The following TSGA10 variants were observed in gnomAD, a reference collection of about 807,000 sequenced individuals.
TSGA10 encodes testis specific 10, also known as testis-specific gene 10 protein.
TSGA10 carries 43 observed loss-of-function variants against 96.6 expected under a neutral mutation model. That is an observed-to-expected ratio of 0.44 (90% CI 0.35 to 0.57). The LOEUF is 0.57. Ranked by LOEUF, TSGA10 falls within the 20% of genes least tolerant of loss-of-function variation. The probability of loss-of-function intolerance (pLI) is 0.01; values close to 1 mark genes in which losing one functional copy is unlikely to be tolerated. For synonymous variants in TSGA10, 229 were observed against 269.9 expected (o/e 0.85, Z 1.48); for missense variants, 703 against 834.4 (o/e 0.84, Z 1.94).
chr2:99,150,626 A>G, intron 1 of TSGA10: 3 of 1,614,122 alleles, frequency 1.9e-6, no homozygotes, highest in African/African-American at 2.7e-5. Context: ...AAAGTGGATG[A>G]TCACTTAATA....
chr2:99,012,252 A>G (rs2079064382), intron 20 of TSGA10, among the ~76,000 whole-genome samples: 1 of 152,204 alleles, frequency 6.6e-6, no homozygotes. Flanking sequence ...CCATAAAACA[A>G]TAACACAATG....
rs752059745 is a variant in TSGA10 at position 99,071,837 on chromosome 2, C to T, written c.976G>A (p.Val326Ile). 8 of 1,613,864 alleles carry T rather than the reference C, an allele frequency of 5.0e-6. No homozygotes were observed. In the Admixed American group the frequency reaches 6.7e-5, roughly 13 times the overall value. ...TEALIVCEQD[V>I]SRMRRQLDET... is the part of the protein sequence containing the mutation. ...TCCAATTGCCGACGCATTCTGGAAACGTCTTGTTCACACACAATTAGGGCC... is the reference window on the plus strand; with the variant it reads ...TCCAATTGCCGACGCATTCTGGAAATGTCTTGTTCACACACAATTAGGGCC... Residue 326 changes from valine to isoleucine, a missense_variant, in exon 14 of 21, where the codon GTT becomes ATT. Coordinates refer to ENST00000393483, the MANE Select transcript of TSGA10 (RefSeq NM_025244.4).
intron 11 of TSGA10, among the ~76,000 whole-genome samples, chr2:99,080,714 G>A (rs2104589971): frequency 6.6e-6 from 1 of 152,034 alleles, no homozygotes; most frequent in East Asian, 1.9e-4. Flanking sequence ...TATTTCCTCT[G>A]CTTTAAAATA....
intron 16 of TSGA10, among the ~76,000 whole-genome samples, chr2:99,053,617 C>T (rs2083641701): frequency 6.6e-6 from 1 of 152,044 alleles, no homozygotes; most frequent in Non-Finnish European, 1.5e-5. Context: ...AAGGTATGTA[C>T]CTCAACACAA....
At chr2:99,088,091 A>G (rs2088787647) in intron 10 of TSGA10, among the ~76,000 whole-genome samples, 1 of 152,224 alleles carries the variant, frequency 6.6e-6, no homozygotes, top group Non-Finnish European at 1.5e-5. Context: ...AGAACTAGAT[A>G]AAATTAATTC....
At chr2:99,129,056 C>T (rs987324319) in intron 1 of TSGA10, among the ~76,000 whole-genome samples, 7 of 152,168 alleles carry the variant, frequency 4.6e-5, no homozygotes, top group African/African-American at 1.7e-4. Context: ...ATTCTTAATA[C>T]ATATATTCAA....
chr2:99,094,315 G>GA (rs2089750282), intron 10 of TSGA10, among the ~76,000 whole-genome samples: 1 of 151,980 alleles, frequency 6.6e-6, no homozygotes, highest in Non-Finnish European at 1.5e-5. Context: ...AGATAACATT[G>GA]AAAAAACCCT....
In TSGA10 at chr2:99,105,335, ACTTTT is replaced by A. The variant is rs774526183; in HGVS notation, c.459+19_459+23del. On this transcript the variant is annotated intron_variant, in intron 9 of 20. Coordinates refer to ENST00000393483, the MANE Select transcript of TSGA10 (RefSeq NM_025244.4). ...CATTGAGTGTTTATAGCCAAAAGAG[ACTTTT>A]CTTTTTTTTTTTTTTTACATTATGA... 3.3e-6 allele frequency: 5 copies of A among 1,505,816 alleles called. No individual in the cohort carries two copies. The Admixed American group carries it at 5.8e-5, about 17-fold the overall frequency. 93.3% of individuals were successfully genotyped at this position (1,505,816 alleles called of 1,614,324 possible).
intron 16 of TSGA10, among the ~76,000 whole-genome samples, chr2:99,049,429 A>G (rs969565289): frequency 6.6e-6 from 1 of 152,232 alleles, no homozygotes; most frequent in African/African-American, 2.4e-5. Context: ...TGTTCTTTAC[A>G]GGGACATGGA....
intron 17 of TSGA10, among the ~76,000 whole-genome samples, chr2:99,030,250 G>T (rs1010873305): frequency 6.6e-6 from 1 of 152,172 alleles, no homozygotes; most frequent in African/African-American, 2.4e-5. Flanking sequence ...GGGAGGTTGA[G>T]GCAGGAGAAT....
chr2:99,005,712 A>G (rs1358118121), intron 20 of TSGA10, among the ~76,000 whole-genome samples: 1 of 152,208 alleles, frequency 6.6e-6, no homozygotes, highest in Non-Finnish European at 1.5e-5. Flanking sequence ...AAATGGCCAT[A>G]CTGCCCAAGG....
In TSGA10 at chr2:99,052,808, C is replaced by T. The variant is rs148708192; in HGVS notation, c.1404+12131G>A. On this transcript the variant is annotated intron_variant, in intron 16 of 20. Transcript: ENST00000393483. Reference sequence around the variant, plus strand: ...ATCTTGCCAGGTGCAGTGGCTCATGCCTATAACCCCAGCACTTTGGAAGGC... The same window carrying T: ...ATCTTGCCAGGTGCAGTGGCTCATGTCTATAACCCCAGCACTTTGGAAGGC... Among the ~76,000 whole-genome samples the T allele has an allele frequency of 4.0e-4, 61 of 151,696 alleles. No individual in the cohort carries two copies. The East Asian group carries it at 0.011, about 27-fold the overall frequency.
chr2:99,031,749 T>A (rs1300803502), intron 17 of TSGA10, among the ~76,000 whole-genome samples: 1 of 152,182 alleles, frequency 6.6e-6, no homozygotes, highest in East Asian at 1.9e-4. Context: ...TCCCCATTAC[T>A]CGCATTACTG....
chr2:99,143,220 C>A (rs1160459304), intron 1 of TSGA10, among the ~76,000 whole-genome samples: 1 of 147,550 alleles, frequency 6.8e-6, no homozygotes, highest in Non-Finnish European at 1.5e-5. Flanking sequence ...CGGCTCACTG[C>A]AACCTCCGCC....
chr2:99,086,524 T>C (rs1283760919), intron 10 of TSGA10, among the ~76,000 whole-genome samples: 1 of 152,218 alleles, frequency 6.6e-6, no homozygotes, highest in Non-Finnish European at 1.5e-5. Context: ...GAATAAGCAT[T>C]TGACAAAATC....
chr2:99,114,785 C>T (rs2092112162), intron 4 of TSGA10, among the ~76,000 whole-genome samples: 1 of 152,080 alleles, frequency 6.6e-6, no homozygotes, highest in Non-Finnish European at 1.5e-5. Context: ...CCCTAACAAC[C>T]CTTTAAAAGT....
Position 99,037,851 on chromosome 2 carries a change from A to AAAAT in TSGA10, c.1405-2416_1405-2413dup, listed in dbSNP as rs1347588986. Among the ~76,000 whole-genome samples the AAAAT allele has an allele frequency of 7.4e-4, 113 of 152,180 alleles. 1 individual carries two copies. Among genetic ancestry groups the AAAAT allele is most frequent in the African/African-American group, 2.4e-3 (99 of 41,532 alleles). ...TCAACAAGAGCGAAACTCCATCTCA[A>AAAAT]AAATAAATAAATAAATAAATAAACA... is the stretch of plus-strand genomic sequence containing the variant. On this transcript the variant is annotated intron_variant, in intron 16 of 20. Transcript: ENST00000393483.
At chr2:99,152,297 G>A (rs1185898272) in intron 1 of TSGA10, among the ~76,000 whole-genome samples, 1 of 152,128 alleles carries the variant, frequency 6.6e-6, no homozygotes, top group Non-Finnish European at 1.5e-5. Flanking sequence ...ACATAAAACT[G>A]ATTTTTTTTA....
intron 10 of TSGA10, among the ~76,000 whole-genome samples, chr2:99,089,043 C>T (rs906649315): frequency 9.9e-5 from 15 of 152,182 alleles, no homozygotes; most frequent in African/African-American, 3.4e-4. Context: ...ATTGCTCCTG[C>T]AGGACCTGAG....
Sources: allele counts gnomAD v4.1 joint callset (sites outside exome capture counted in the v4.1 genomes callset), GRCh38; gene constraint gnomAD v4.1.1; transcripts MANE v1.5; gene names NCBI Gene and HGNC (gene_info 2026-07-23, HGNC 2026-07-21).